Variants in XRRA1 observed in about 807,000 individuals in gnomAD.
XRRA1 encodes the protein X-ray radiation resistance-associated protein 1.
Under a neutral mutation model 80.2 loss-of-function variants are expected in XRRA1, and 69 were observed. The observed-to-expected ratio is 0.86, with a 90% CI of 0.71 to 1.05. XRRA1 has a LOEUF of 1.05. Among genes scored for constraint, XRRA1 ranks in the 50% least tolerant of loss-of-function variants. The pLI is 0.00. For synonymous variants in XRRA1, 348 were observed against 389.9 expected (o/e 0.89, Z 1.27); for missense variants, 967 against 976.4 (o/e 0.99, Z 0.13).
At chr11:74,849,143 C>G (rs150901713) in intron 14 of XRRA1, among the ~76,000 whole-genome samples, 39 of 152,304 alleles carry the variant, frequency 2.6e-4, no homozygotes, top group African/African-American at 8.7e-4. Flanking sequence ...TCTTTCTCCC[C>G]CTTTACATAG....
chr11:74,860,171 G>C (rs1253740058), intron 11 of XRRA1, among the ~76,000 whole-genome samples: 6 of 152,142 alleles, frequency 3.9e-5, no homozygotes, highest in Admixed American at 3.9e-4. Context: ...CAAGTATTTT[G>C]TACCCTTCTG....
intron 12 of XRRA1, among the ~76,000 whole-genome samples, chr11:74,858,722 T>C (rs1272509483): frequency 2.0e-5 from 3 of 152,210 alleles, no homozygotes; most frequent in Admixed American, 2.0e-4. Context: ...AAACACCACT[T>C]TCTTGAGAAC....
chr11:74,933,153 A>G (rs571702092), intron 5 of XRRA1: 1 of 152,304 alleles, frequency 6.6e-6, no homozygotes, highest in African/African-American at 2.4e-5. Context: ...CTTAAGAAAT[A>G]TCTCTTGTAG....
At position 74,851,988 on chromosome 11, in the gene XRRA1, C is replaced by T. The variant is rs1206047183; in HGVS notation, c.1264+1G>A. 12 of 1,613,564 alleles carry T rather than the reference C, an allele frequency of 7.4e-6. No individual in the cohort carries two copies. Among genetic ancestry groups the T allele is most frequent in the Non-Finnish European group, 9.3e-6 (11 of 1,179,646 alleles). On this transcript the variant is annotated splice_donor_variant, in intron 13 of 18. Transcript: ENST00000684022. LOFTEE classifies it high-confidence loss of function. ...AGGGGGCAGGTTTGCGGGCACTATA[C>T]CTCGTGTATGGGCCACCAGAGGGTT...
At chr11:74,896,106 A>G (rs566292814) in intron 10 of XRRA1, among the ~76,000 whole-genome samples, 1 of 152,356 alleles carries the variant, frequency 6.6e-6, no homozygotes. Flanking sequence ...TGTAGTGGCT[A>G]TGGTGAAAGA....
chr11:74,924,351 G>A (rs1240005525), intron 7 of XRRA1, among the ~76,000 whole-genome samples: 1 of 151,322 alleles, frequency 6.6e-6, no homozygotes, highest in African/African-American at 2.4e-5. Context: ...GCATGCACCT[G>A]TAGCCCCAGC....
chr11:74,841,212 T>A lies in XRRA1; in HGVS notation c.*1988A>T, dbSNP rs1392750948. Reference sequence around the variant, plus strand: ...CTTAAATTGTCCTCAGGCAGCCTTTTCCTCATCAACCCATAGAGTGGTCTT... The same window carrying A: ...CTTAAATTGTCCTCAGGCAGCCTTTACCTCATCAACCCATAGAGTGGTCTT... On this transcript the variant is annotated 3_prime_UTR_variant, in exon 19 of 19. Coordinates refer to ENST00000684022, the MANE Select transcript of XRRA1 (RefSeq NM_001378157.1). 1 of 152,228 alleles carries A rather than the reference T, an allele frequency of 6.6e-6. No individual in the cohort carries two copies. Among genetic ancestry groups the A allele is most frequent in the Non-Finnish European group, 1.5e-5 (1 of 68,050 alleles). The allele number at this position is 152,228 out of a possible 1,614,324, so 9.4% of individuals were successfully genotyped here. A position where few individuals can be genotyped will look rare whatever the true frequency, so the allele number is the denominator to read the frequency against.
intron 10 of XRRA1, among the ~76,000 whole-genome samples, chr11:74,903,878 C>T (rs1231569202): frequency 1.3e-5 from 2 of 151,550 alleles, no homozygotes; most frequent in Non-Finnish European, 2.9e-5. Flanking sequence ...AAGATAAATA[C>T]ATATATGCAG....
chr11:74,940,204 G>A (rs543347424), intron 3 of XRRA1, among the ~76,000 whole-genome samples: 48 of 152,280 alleles, frequency 3.2e-4, no homozygotes, highest in East Asian at 2.7e-3. Flanking sequence ...CTGCTCCAGG[G>A]AAGTTTTTAA....
intron 10 of XRRA1, among the ~76,000 whole-genome samples, chr11:74,884,697 G>A (rs2048584059): frequency 6.6e-6 from 1 of 151,956 alleles, no homozygotes; most frequent in Admixed American, 6.6e-5. Flanking sequence ...TTATTTCCTT[G>A]GCCATGAGAC....
chr11:74,936,942 T>C lies in XRRA1; in HGVS notation c.221A>G (p.Glu74Gly), dbSNP rs2139750129. The change falls in exon 4 of 19, where the codon GAG (glutamate) becomes GGG (glycine). Residue 74 changes from glutamate to glycine, a missense_variant. Physicochemically the swap from Glu to Gly is moderately conservative, Grantham distance 98 (BLOSUM62 -2). Transcript: ENST00000684022. Reference sequence around the variant, plus strand: ...GTCCACCTGATTTTCCCGCCGAGACTCTTTCTTCCCCTTGAACTCAAAAGA... The same window carrying C: ...GTCCACCTGATTTTCCCGCCGAGACCCTTTCTTCCCCTTGAACTCAAAAGA... ...ATSFEFKGKK[E>G]SRRENQVDLP... The C allele has an allele frequency of 6.2e-7, 1 of 1,613,866 alleles. No individual in the cohort carries two copies. The highest frequency in any genetic ancestry group is 1.1e-5 in the South Asian group (1 of 91,034).
intron 10 of XRRA1, among the ~76,000 whole-genome samples, chr11:74,903,082 C>T (rs1040503142): frequency 6.6e-6 from 1 of 151,968 alleles, no homozygotes; most frequent in African/African-American, 2.4e-5. Context: ...AAGATAATAC[C>T]AAGTATTGAT....
intron 14 of XRRA1, among the ~76,000 whole-genome samples, chr11:74,849,105 C>T (rs58135823): frequency 2.0e-5 from 3 of 152,348 alleles, no homozygotes; most frequent in African/African-American, 7.2e-5. Flanking sequence ...AGGAGGTGTC[C>T]ATGTGCCCTC....
intron 12 of XRRA1, 115 bp downstream of exon 12, chr11:74,859,043 C>T: frequency 4.4e-6 from 6 of 1,356,350 alleles, no homozygotes; most frequent in South Asian, 1.6e-5. Flanking sequence ...ATTCCTGAGC[C>T]CATGTACCTG....
intron 8 of XRRA1, among the ~76,000 whole-genome samples, chr11:74,916,777 A>G (rs997975311): frequency 2.6e-5 from 4 of 151,984 alleles, no homozygotes; most frequent in Admixed American, 2.6e-4. Context: ...AACTCTAGAA[A>G]TCAGATTCTT....
At chr11:74,889,259 T>A (rs1325623066) in intron 10 of XRRA1, among the ~76,000 whole-genome samples, 1 of 152,076 alleles carries the variant, frequency 6.6e-6, no homozygotes, top group Non-Finnish European at 1.5e-5. Context: ...TCAACATTCT[T>A]AAAGAAAAGA....
chr11:74,916,048 T>C (rs948325475), intron 8 of XRRA1, among the ~76,000 whole-genome samples: 1 of 152,212 alleles, frequency 6.6e-6, no homozygotes, highest in African/African-American at 2.4e-5. Context: ...GATAATCTTA[T>C]TGAAGATTCC....
intron 8 of XRRA1, among the ~76,000 whole-genome samples, chr11:74,912,958 T>C (rs937514627): frequency 7.2e-5 from 11 of 152,144 alleles, no homozygotes; most frequent in African/African-American, 2.7e-4. Context: ...TGTCTGCAAA[T>C]TGGTGCTCAT....
At chr11:74,941,628 A>G (rs981755990) in intron 2 of XRRA1, among the ~76,000 whole-genome samples, 1 of 152,146 alleles carries the variant, frequency 6.6e-6, no homozygotes, top group Non-Finnish European at 1.5e-5. Context: ...TAGGTGACTG[A>G]GAGCCATGGA....
Sources: gnomAD v4.1 joint callset for allele counts (sites outside exome capture counted in the v4.1 genomes callset) on GRCh38, gnomAD v4.1.1 for gene constraint, MANE v1.5 for transcripts, NCBI Gene and HGNC (gene_info 2026-07-23, HGNC 2026-07-21) for gene names.